Variants in EPSTI1 observed in about 807,000 individuals in gnomAD.
EPSTI1 encodes the protein epithelial-stromal interaction protein 1.
Under a neutral mutation model 49.9 loss-of-function variants are expected in EPSTI1, and 66 were observed. The ratio of observed to expected loss-of-function variants is 1.32; its 90% CI spans 1.08 to 1.62. The LOEUF (loss-of-function observed/expected upper bound fraction) is 1.62. EPSTI1 is among the 40% of genes most tolerant of loss of function. EPSTI1 has a pLI of 0.00. For synonymous variants in EPSTI1, 137 were observed against 130.7 expected (o/e 1.05, Z -0.33); for missense variants, 394 against 365.5 (o/e 1.08, Z -0.64).
At chr13:42,938,087 T>C (rs2038624674) in intron 6 of EPSTI1, among the ~76,000 whole-genome samples, 1 of 152,164 alleles carries the variant, frequency 6.6e-6, no homozygotes, top group African/African-American at 2.4e-5. Context: ...GAACTTTTGA[T>C]ATTTTTCTTC....
chr13:42,909,379 G>C (rs2037599568), intron 8 of EPSTI1, among the ~76,000 whole-genome samples: 1 of 152,102 alleles, frequency 6.6e-6, no homozygotes, highest in Admixed American at 6.6e-5. Flanking sequence ...AGAGGTGTAA[G>C]TTCTCTCAAA....
At chr13:42,952,363 G>T (rs1219811773) in intron 6 of EPSTI1, among the ~76,000 whole-genome samples, 1 of 152,164 alleles carries the variant, frequency 6.6e-6, no homozygotes, top group East Asian at 1.9e-4. Context: ...CTTGAAGTGA[G>T]CGAGTCCAAG....
At chr13:42,953,283 A>G (rs945630796) in intron 6 of EPSTI1, among the ~76,000 whole-genome samples, 3 of 151,092 alleles carry the variant, frequency 2.0e-5, no homozygotes, top group African/African-American at 7.3e-5. Context: ...ACATTCAAAG[A>G]GTTTTAGTGA....
intron 8 of EPSTI1, among the ~76,000 whole-genome samples, chr13:42,910,331 G>A (rs1269759147): frequency 7.5e-6 from 1 of 132,686 alleles, no homozygotes; most frequent in African/African-American, 2.8e-5. Context: ...GTGCAGTCTT[G>A]GCTTACTGCA....
At chr13:42,923,588 G>T (rs535838231) in intron 7 of EPSTI1, among the ~76,000 whole-genome samples, 1 of 152,120 alleles carries the variant, frequency 6.6e-6, no homozygotes, top group African/African-American at 2.4e-5. Context: ...AAAAAATGGG[G>T]GCAGCAAACC....
chr13:42,888,578 TC>T, intron 10 of EPSTI1, 76 bp from the exon 11 acceptor site: 5 of 1,479,166 alleles, frequency 3.4e-6, no homozygotes, highest in Non-Finnish European at 4.6e-6. Flanking sequence ...AAAATGAAGT[TC>T]CTGCAAAGAA....
intron 8 of EPSTI1, among the ~76,000 whole-genome samples, chr13:42,905,499 G>GA (rs1393304410): frequency 6.6e-6 from 1 of 152,128 alleles, no homozygotes; most frequent in Non-Finnish European, 1.5e-5. Flanking sequence ...CATTTACTGA[G>GA]ATCCCACAGA....
intron 5 of EPSTI1, among the ~76,000 whole-genome samples, chr13:42,961,331 T>C (rs1407514725): frequency 6.6e-6 from 1 of 152,234 alleles, no homozygotes; most frequent in Middle Eastern, 3.4e-3. Context: ...AAACTGACAA[T>C]GATGAAGCCA....
At chr13:42,965,749 G>A (rs1222350643) in intron 3 of EPSTI1, among the ~76,000 whole-genome samples, 148 of 2,830 alleles carry the variant, frequency 0.052, 30 homozygotes, top group East Asian at 0.44. Flanking sequence ...CCTCTCCCTC[G>A]TCTCCCTCTC....
At chr13:42,946,449 G>A (rs778358705) in intron 6 of EPSTI1, among the ~76,000 whole-genome samples, 30 of 152,076 alleles carry the variant, frequency 2.0e-4, no homozygotes, top group African/African-American at 5.3e-4. Context: ...GAAATTGTAC[G>A]TAGGAATAGA....
intron 1 of EPSTI1, among the ~76,000 whole-genome samples, chr13:42,988,159 T>C (rs1341739657): frequency 6.6e-6 from 1 of 152,206 alleles, no homozygotes; most frequent in Non-Finnish European, 1.5e-5. Context: ...CAAGACCCCA[T>C]TTCCCAGAAT....
chr13:42,991,931 T>G (rs1214828541), intron 1 of EPSTI1, 47 bp downstream of exon 1: 1 of 1,609,156 alleles, frequency 6.2e-7, no homozygotes, highest in South Asian at 1.1e-5. Context: ...GTGAGTATGT[T>G]TGGGGCCCGG....
chr13:42,990,581 G>GA (rs1239075736), intron 1 of EPSTI1, among the ~76,000 whole-genome samples: 1 of 152,176 alleles, frequency 6.6e-6, no homozygotes, highest in African/African-American at 2.4e-5. Flanking sequence ...TGGGTTACTT[G>GA]AAAGTAATTG....
chr13:42,970,420 G>A (rs901979333), intron 2 of EPSTI1, 192 bp downstream of exon 2: 124 of 468,878 alleles, frequency 2.6e-4, no homozygotes, highest in South Asian at 1.1e-4. Context: ...TGTTACTAAC[G>A]TAGAGAAACA....
chr13:42,953,251 GAAAA>G (rs11355319), intron 6 of EPSTI1, among the ~76,000 whole-genome samples: 14 of 143,530 alleles, frequency 9.8e-5, no homozygotes, highest in South Asian at 2.2e-4. Context: ...CTGTATTTAA[GAAAA>G]AAAAAAAAAA....
At chr13:42,932,589 C>T (rs1252755371) in intron 6 of EPSTI1, among the ~76,000 whole-genome samples, 2 of 149,698 alleles carry the variant, frequency 1.3e-5, no homozygotes, top group African/African-American at 5.0e-5. Flanking sequence ...AAGTCTCCCT[C>T]AAATACAAAA....
At chr13:42,898,205 T>C (rs1383550246) in intron 9 of EPSTI1, among the ~76,000 whole-genome samples, 5 of 152,222 alleles carry the variant, frequency 3.3e-5, no homozygotes, top group African/African-American at 9.6e-5. Context: ...AATGTGAACT[T>C]TTAAACTGTA....
At position 42,887,126 on chromosome 13, in the gene EPSTI1, C is replaced by T. The variant is rs2036887922; in HGVS notation, c.*1368G>A. On this transcript the variant is annotated 3_prime_UTR_variant, in exon 11 of 11. Coordinates refer to ENST00000313624, the MANE Select transcript of EPSTI1 (RefSeq NM_033255.5). ...CACAGGCTGGGGGATTGAGTTTCCCCCATATAAGGCAATGACAAGGATTTC... is the reference window on the plus strand; with the variant it reads ...CACAGGCTGGGGGATTGAGTTTCCCTCATATAAGGCAATGACAAGGATTTC... 1 of 152,160 alleles carries T rather than the reference C, an allele frequency of 6.6e-6. No individual in the cohort carries two copies. The highest frequency in any genetic ancestry group is 2.4e-5 in the African/African-American group (1 of 41,438). The allele number at this position is 152,160 out of a possible 1,614,324, so 9.4% of individuals were successfully genotyped here.
chr13:42,986,889 A>T (rs960556823), intron 1 of EPSTI1, among the ~76,000 whole-genome samples: 7 of 152,098 alleles, frequency 4.6e-5, no homozygotes, highest in African/African-American at 7.2e-5. Context: ...AAGTTCTTGA[A>T]CTATAAGGTT....
Sources: gnomAD v4.1 joint callset for allele counts (sites outside exome capture counted in the v4.1 genomes callset) on GRCh38, gnomAD v4.1.1 for gene constraint, MANE v1.5 for transcripts, NCBI Gene and HGNC (gene_info 2026-07-23, HGNC 2026-07-21) for gene names.